TANC1: variants seen among roughly 807,000 people sequenced by gnomAD.
TANC1 encodes protein TANC1.
TANC1 carries 77 observed loss-of-function variants against 149.7 expected under a neutral mutation model. That is an observed-to-expected ratio of 0.51 (90% CI 0.43 to 0.62). TANC1 has a LOEUF of 0.62. Among genes scored for constraint, TANC1 ranks in the 20% least tolerant of loss-of-function variants. The pLI, the probability that TANC1 is intolerant of heterozygous loss-of-function variation, is 0.00. For synonymous variants in TANC1, 854 were observed against 925.0 expected, an observed-to-expected ratio of 0.92 and a Z score of 1.39; for missense variants, 1,985 against 2,321.8, an observed-to-expected ratio of 0.85 and a Z score of 2.98.
chr2:159,151,011 G>A (rs901179343), intron 7 of TANC1, among the ~76,000 whole-genome samples: 1 of 152,072 alleles, frequency 6.6e-6, no homozygotes, highest in East Asian at 1.9e-4. Context: ...ATCTGACTGC[G>A]TTTTGAGGCC....
intron 2 of TANC1, among the ~76,000 whole-genome samples, chr2:159,047,898 G>A (rs2041194034): frequency 6.6e-6 from 1 of 152,104 alleles, no homozygotes; most frequent in Non-Finnish European, 1.5e-5. Flanking sequence ...TCATCACTGG[G>A]CCTATATAAA....
intron 13 of TANC1, 64 bp downstream of exon 13, chr2:159,176,582 A>G (rs369105265): frequency 7.8e-6 from 10 of 1,287,288 alleles, no homozygotes; most frequent in South Asian, 6.6e-5. Context: ...ATAAATGTTA[A>G]TAACGTAAAA....
At chr2:159,164,926 T>C (rs2150415639) in intron 8 of TANC1, among the ~76,000 whole-genome samples, 1 of 152,352 alleles carries the variant, frequency 6.6e-6, no homozygotes, top group African/African-American at 2.4e-5. Context: ...AGTTGACTGA[T>C]AGTCCTTCCA....
intron 2 of TANC1, among the ~76,000 whole-genome samples, chr2:159,014,642 C>A (rs2038085133): frequency 6.6e-6 from 1 of 152,210 alleles, no homozygotes; most frequent in African/African-American, 2.4e-5. Context: ...GTCCCTTCCA[C>A]CTATGAGCCT....
intron 2 of TANC1, among the ~76,000 whole-genome samples, chr2:159,055,012 T>A (rs114039830): frequency 3.2e-4 from 49 of 152,364 alleles, no homozygotes; most frequent in Admixed American, 9.8e-4. Flanking sequence ...TTCTGGGAGT[T>A]GCGATTGCAC....
intron 3 of TANC1, among the ~76,000 whole-genome samples, chr2:159,088,962 A>G (rs1395472792): frequency 6.6e-6 from 1 of 152,174 alleles, no homozygotes; most frequent in Non-Finnish European, 1.5e-5. Context: ...ATGTTTTCTC[A>G]GTCCTGTCAT....
intron 1 of TANC1, among the ~76,000 whole-genome samples, chr2:158,990,146 A>ACCT (rs2035467239): frequency 6.6e-6 from 1 of 151,610 alleles, no homozygotes; most frequent in South Asian, 2.1e-4. Flanking sequence ...TGCACTCCTG[A>ACCT]CCTCGTGATC....
In TANC1 at chr2:158,976,998, A is replaced by G. The variant is rs555558288; in HGVS notation, c.-126+8216A>G. Among the ~76,000 whole-genome samples the G allele has an allele frequency of 2.0e-5, 3 of 152,328 alleles. No homozygotes were observed. The East Asian group carries it at 5.8e-4, about 29-fold the overall frequency. On this transcript the variant is annotated intron_variant, in intron 1 of 26. Transcript: ENST00000263635. ...AAGTTTTAAATGTTGTATAATGTAT[A>G]TACTACATTCATGTGTGTGTATACA...
At chr2:159,219,975 AGAGTGTGTGTGTGTGT>A (rs1202221512) in intron 22 of TANC1, 108 bp downstream of exon 22, 154 of 748,254 alleles carry the variant, frequency 2.1e-4, no homozygotes, top group East Asian at 1.8e-3. Flanking sequence ...GTGTCATCAG[AGAGTGTGTGTGTGTGT>A]GTGTGTGTGT....
At chr2:159,197,837 C>T (rs1270738622) in intron 18 of TANC1, among the ~76,000 whole-genome samples, 1 of 152,110 alleles carries the variant, frequency 6.6e-6, no homozygotes, top group African/African-American at 2.4e-5. Context: ...AGGGTTTGTT[C>T]ACCATAAGAC....
intron 3 of TANC1, among the ~76,000 whole-genome samples, chr2:159,091,968 G>GGA (rs1553545661): frequency 6.8e-6 from 1 of 146,712 alleles, no homozygotes; most frequent in Non-Finnish European, 1.5e-5. Flanking sequence ...ATATAGGGGG[G>GGA]GGTGTGTGTG....
At chr2:158,969,611 G>T (rs1192027380) in intron 1 of TANC1, among the ~76,000 whole-genome samples, 1 of 152,236 alleles carries the variant, frequency 6.6e-6, no homozygotes, top group Non-Finnish European at 1.5e-5. Flanking sequence ...CGGGGCTCCC[G>T]GCTTTGGCGC....
chr2:159,217,831 C>T (rs920090928), intron 20 of TANC1, among the ~76,000 whole-genome samples: 5 of 152,228 alleles, frequency 3.3e-5, no homozygotes, highest in African/African-American at 1.2e-4. Flanking sequence ...GGGAGCAAGG[C>T]TGCTCAAGGC....
rs745449114 is a variant in TANC1 at position 159,225,670 on chromosome 2, T to C, written c.3812-18T>C. 6.2e-7 allele frequency: 1 copy of C among 1,608,922 alleles called. No homozygotes were observed. Among genetic ancestry groups the C allele is most frequent in the South Asian group, 1.1e-5 (1 of 90,934 alleles). On this transcript the variant is annotated intron_variant, in intron 23 of 26. Transcript: ENST00000263635. ...GCAGGGCCTCTGAAGTGCCTCTGAA[T>C]GCGTGTTTGTTTTGCAGGAAATGCT...
chr2:159,086,041 AGTT>A lies in TANC1; in HGVS notation c.62-11590_62-11588del, dbSNP rs2044809877. On this transcript the variant is annotated intron_variant, in intron 3 of 26. Transcript: ENST00000263635. ...TTTAGCAGTGGGGTATCCTGTGGTT[AGTT>A]GTTGTCCCTGGGTTGGCCTCATTGC... Among the ~76,000 whole-genome samples the A allele has an allele frequency of 6.6e-5, 10 of 152,212 alleles. No homozygotes were observed. The South Asian group carries it at 2.1e-3, about 32-fold the overall frequency.
intron 3 of TANC1, among the ~76,000 whole-genome samples, chr2:159,096,211 A>G (rs1035127350): frequency 4.0e-5 from 6 of 151,762 alleles, no homozygotes; most frequent in African/African-American, 1.5e-4. Flanking sequence ...ATCTTAGTAC[A>G]TACTAACGAG....
At chr2:159,044,256 T>C (rs1352880369) in intron 2 of TANC1, among the ~76,000 whole-genome samples, 1 of 151,900 alleles carries the variant, frequency 6.6e-6, no homozygotes, top group African/African-American at 2.4e-5. Flanking sequence ...CGAGACCTCA[T>C]CTCTACCAAA....
At chr2:159,046,589 C>CTTTTT (rs57208685) in intron 2 of TANC1, among the ~76,000 whole-genome samples, 4 of 84,386 alleles carry the variant, frequency 4.7e-5, no homozygotes, top group Non-Finnish European at 6.3e-5. Flanking sequence ...CTTTTCTTTA[C>CTTTTT]TTTTTTTTTT....
intron 3 of TANC1, among the ~76,000 whole-genome samples, chr2:159,087,598 C>G (rs1381871305): frequency 2.0e-5 from 3 of 151,334 alleles, no homozygotes; most frequent in African/African-American, 7.3e-5. Flanking sequence ...GCCTCAACCT[C>G]CTGGGCTCAA....
Sources: gnomAD v4.1 joint callset for allele counts (sites outside exome capture counted in the v4.1 genomes callset) on GRCh38, gnomAD v4.1.1 for gene constraint, MANE v1.5 for transcripts, NCBI Gene and HGNC (gene_info 2026-07-23, HGNC 2026-07-21) for gene names.